KRT1: variants seen among roughly 807,000 people sequenced by gnomAD.
The protein encoded by KRT1 is keratin 1.
KRT1 carries 28 observed loss-of-function variants against 51.6 expected under a neutral mutation model. The ratio of observed to expected loss-of-function variants is 0.54; its 90% CI spans 0.40 to 0.74. The LOEUF is 0.74. KRT1 is among the 30% of genes least tolerant of loss of function. The probability of loss-of-function intolerance (pLI) is 0.00; values close to 1 mark genes in which losing one functional copy is unlikely to be tolerated. For synonymous variants in KRT1, 301 were observed against 307.7 expected, an observed-to-expected ratio of 0.98 and a Z score of 0.23; for missense variants, 783 against 815.5, an observed-to-expected ratio of 0.96 and a Z score of 0.49.
At chr12:52,676,919 G>A in intron 6 of KRT1, 140 bp downstream of exon 6, 2 of 1,155,130 alleles carry the variant, frequency 1.7e-6, no homozygotes, top group East Asian at 2.5e-5. Context: ...CTGGAAACTA[G>A]CATAGTCACA....
chr12:52,680,171 C>T lies in KRT1; in HGVS notation c.178G>A (p.Gly60Ser), dbSNP rs1941565333. Reference sequence around the variant, plus strand: ...ACAAGACTCCGACTTCCAAATCCACCACCAGCACCAAAGCTACCACCACCA... The same window carrying T: ...ACAAGACTCCGACTTCCAAATCCACTACCAGCACCAAAGCTACCACCACCA... ...GGGGGSFGAG[G>S]GFGSRSLVNL... Residue 60 changes from glycine (G) to serine (S), a missense_variant, in exon 1 of 9, where the codon GGT (glycine) becomes AGT (serine). Physicochemically the swap from Gly to Ser is moderately conservative, Grantham distance 56 (BLOSUM62 0). Coordinates refer to ENST00000252244, the MANE Select transcript of KRT1 (RefSeq NM_006121.4). The T allele has an allele frequency of 2.5e-6, 4 of 1,611,158 alleles. No homozygotes were observed. The highest frequency in any genetic ancestry group is 2.2e-5 in the South Asian group (2 of 90,768).
At chr12:52,676,615 G>A (rs1374705262) in intron 6 of KRT1, 120 bp from the exon 7 acceptor site, 2 of 944,832 alleles carry the variant, frequency 2.1e-6, no homozygotes, top group Non-Finnish European at 3.3e-6. Context: ...TTGGCCTTAA[G>A]TCATCTCACA....
chr12:52,675,249 C>T lies in KRT1; in HGVS notation c.1879G>A (p.Gly627Ser), dbSNP rs1941481407. The T allele has an allele frequency of 6.2e-7, 1 of 1,613,842 alleles. No homozygotes were observed. Among genetic ancestry groups the T allele is most frequent in the Non-Finnish European group, 8.5e-7 (1 of 1,180,028 alleles). ...GSSSGGVKSS[G>S]GSSSVKFVST... Reference sequence around the variant, plus strand: ...ACAAACTTCACGCTGGAACTGCCACCAGAGGACTTGACACCCCCAGAGCTG... The same window carrying T: ...ACAAACTTCACGCTGGAACTGCCACTAGAGGACTTGACACCCCCAGAGCTG... The change falls in exon 9 of 9, where the codon GGT (glycine) becomes AGT (serine). Residue 627 changes from glycine to serine, a missense_variant. Physicochemically the swap from Gly to Ser is moderately conservative, Grantham distance 56. Transcript: ENST00000252244.
In KRT1 at chr12:52,678,566, T is replaced by C. The variant is rs757414670; in HGVS notation, c.782A>G (p.Asp261Gly). The part of the protein sequence containing the change: ...RLDSELKNMQ[D>G]MVEDYRNKYE... ...CTTGTTCCGGTAATCCTCCACCATG[T>C]CCTGCATGTTCTTCAGTTCCGAATC... is the stretch of plus-strand genomic sequence containing the variant. Residue 261 changes from aspartate to glycine, a missense_variant, in exon 2 of 9, where the codon GAC becomes GGC. Physicochemically the swap from Asp to Gly is moderately conservative, Grantham distance 94. Coordinates refer to ENST00000252244, the MANE Select transcript of KRT1 (RefSeq NM_006121.4). The C allele has an allele frequency of 2.1e-5, 34 of 1,614,114 alleles. No individual in the cohort carries two copies. The highest frequency in any genetic ancestry group is 2.5e-5 in the Non-Finnish European group (30 of 1,180,042).
Position 52,676,344 on chromosome 12 carries a change from A to T in KRT1, c.1406T>A (p.Met469Lys). The T allele has an allele frequency of 6.2e-7, 1 of 1,614,114 alleles. No individual in the cohort carries two copies. Residue 469 changes from methionine (M) to lysine (K), a missense_variant, in exon 7 of 9, where the codon ATG becomes AAG. Coordinates refer to ENST00000252244, the MANE Select transcript of KRT1 (RefSeq NM_006121.4). ...ARLLRDYQEL[M>K]NTKLALDLEI... ...CAGATCCAGGGCCAGCTTTGTGTTC[A>T]TCAGCTCCTGGTAGTCGCGCAGCAG...
At chr12:52,676,183 C>T (rs1941499627) in intron 7 of KRT1, 92 bp downstream of exon 7, 1 of 1,062,788 alleles carries the variant, frequency 9.4e-7, no homozygotes, top group Non-Finnish European at 1.4e-6. Flanking sequence ...CCAGCACAAG[C>T]TGCAATCAGA....
rs1440379566 is a variant in KRT1 at position 52,678,678 on chromosome 12, T to G, written c.670A>C (p.Thr224Pro). 1 of 1,614,220 alleles carries G rather than the reference T, an allele frequency of 6.2e-7. No homozygotes were observed. Among genetic ancestry groups the G allele is most frequent in the Non-Finnish European group, 8.5e-7 (1 of 1,180,034 alleles). ...LLQQVDTSTR[T>P]HNLEPYFESF... ...TCAAAGTAGGGCTCTAAATTATGGG[T>G]TCTAGTGGAGGTATCTACCTGCTGC... The change falls in exon 2 of 9, where the codon ACC becomes CCC. Residue 224 changes from threonine to proline, a missense_variant. Thr to Pro is a conservative substitution (Grantham distance 38, BLOSUM62 -1). Transcript: ENST00000252244.
At position 52,677,878 on chromosome 12, in the gene KRT1, C is replaced by A; in HGVS notation, c.868-133G>T. On this transcript the variant is annotated intron_variant, in intron 3 of 8. Coordinates refer to ENST00000252244, the MANE Select transcript of KRT1 (RefSeq NM_006121.4). ...ACTCCTTTTTGCCCCAGGTAAATCACAGTTCCCTAACTGTCCCACCCCCGG... is the reference window on the plus strand; with the variant it reads ...ACTCCTTTTTGCCCCAGGTAAATCAAAGTTCCCTAACTGTCCCACCCCCGG... The A allele has an allele frequency of 3.6e-6, 3 of 825,996 alleles. No homozygotes were observed. The South Asian group carries it at 4.3e-5, about 12-fold the overall frequency. The allele number at this position is 825,996 out of a possible 1,614,324, so 51.2% of individuals were successfully genotyped here. A position where few individuals can be genotyped will look rare whatever the true frequency, so the allele number is the denominator to read the frequency against.
At chr12:52,678,504 C>T (rs886190389) in intron 2 of KRT1, 38 bp downstream of exon 2, 2 of 1,598,002 alleles carry the variant, frequency 1.3e-6, no homozygotes, top group Admixed American at 1.7e-5. Flanking sequence ...AACTCTTTTA[C>T]AGCAAAAGTT....
intron 3 of KRT1, 89 bp from the exon 4 acceptor site, chr12:52,677,834 G>A: frequency 8.7e-7 from 1 of 1,150,110 alleles, no homozygotes. Context: ...AGCAAAAAAA[G>A]GAGCTTTGGG....
In KRT1 at chr12:52,678,186, T is replaced by C; in HGVS notation, c.844A>G (p.Asn282Asp). ...DEINKRTNAE[N>D]EFVTIKKDVD... is the part of the protein sequence containing the mutation. ...ACCTTCTTGATGGTCACAAATTCAT[T>C]CTCTGCATTTGTCCGCTTGTTGATT... Residue 282 changes from asparagine to aspartate, a missense_variant, in exon 3 of 9, where the codon AAT (asparagine) becomes GAT (aspartate). Coordinates refer to ENST00000252244, the MANE Select transcript of KRT1 (RefSeq NM_006121.4). 1 of 1,614,198 alleles carries C rather than the reference T, an allele frequency of 6.2e-7. No homozygotes were observed. Among genetic ancestry groups the C allele is most frequent in the Non-Finnish European group, 8.5e-7 (1 of 1,180,030 alleles).
intron 1 of KRT1, among the ~76,000 whole-genome samples, chr12:52,679,081 A>T (rs77077058): frequency 0.019 from 2,899 of 152,298 alleles, 83 homozygotes; most frequent in African/African-American, 0.066. Context: ...ACTGGTTTGC[A>T]TCCCCAGGAC....
Position 52,675,016 on chromosome 12 carries a change from G to T in KRT1, c.*177C>A. Reference sequence around the variant, plus strand: ...AGGGGACTGAGATTGCCACTGATCTGAAAACTTCATTGGGAAACAGCAGAA... The same window carrying T: ...AGGGGACTGAGATTGCCACTGATCTTAAAACTTCATTGGGAAACAGCAGAA... On this transcript the variant is annotated 3_prime_UTR_variant, in exon 9 of 9. Transcript: ENST00000252244. The T allele has an allele frequency of 1.1e-6, 1 of 916,830 alleles. No individual in the cohort carries two copies. Among genetic ancestry groups the T allele is most frequent in the Non-Finnish European group, 1.8e-6 (1 of 565,708 alleles). The allele number at this position is 916,830 out of a possible 1,614,324, so 56.8% of individuals were successfully genotyped here. A position where few individuals can be genotyped will look rare whatever the true frequency, so the allele number is the denominator to read the frequency against.
chr12:52,680,104 C>A lies in KRT1; in HGVS notation c.245G>T (p.Arg82Ile). ...AAAGCCACTACCACGTCCACCTCCT[C>A]TAGCCACACTTATGGAGATGCTTTT... is the stretch of plus-strand genomic sequence containing the variant. ...GSKSISISVA[R>I]GGGRGSGFGG... The change falls in exon 1 of 9, where the codon AGA (arginine) becomes ATA (isoleucine). Residue 82 changes from arginine (R) to isoleucine (I), a missense_variant. Physicochemically the swap from Arg to Ile is moderately conservative, Grantham distance 97. Coordinates refer to ENST00000252244, the MANE Select transcript of KRT1 (RefSeq NM_006121.4). The A allele has an allele frequency of 1.3e-6, 2 of 1,560,610 alleles. No homozygotes were observed. Among genetic ancestry groups the A allele is most frequent in the Non-Finnish European group, 1.7e-6 (2 of 1,152,276 alleles).
Position 52,680,402 on chromosome 12 carries a change from T to C in KRT1, c.-54A>G. The C allele has an allele frequency of 6.7e-7, 1 of 1,481,524 alleles. No individual in the cohort carries two copies. Among genetic ancestry groups the C allele is most frequent in the African/African-American group, 1.4e-5 (1 of 72,560 alleles). The allele number at this position is 1,481,524 out of a possible 1,614,324, so 91.8% of individuals were successfully genotyped here. On this transcript the variant is annotated 5_prime_UTR_variant, in exon 1 of 9. Coordinates refer to ENST00000252244, the MANE Select transcript of KRT1 (RefSeq NM_006121.4). The stretch of plus-strand genomic sequence containing the variant: ...TAGAGTAAGGGAAGGAGCTAAACAC[T>C]CCTCTACCCCAAGCATAGAGACTTC...
chr12:52,676,434 T>C lies in KRT1; in HGVS notation c.1316A>G (p.Asp439Gly), dbSNP rs370833984. Residue 439 changes from aspartate (D) to glycine (G), a missense_variant, in exon 7 of 9, where the codon GAT (aspartate) becomes GGT (glycine). Transcript: ENST00000252244. ...AEQRGENALK[D>G]AKNKLNDLED... is the part of the protein sequence containing the mutation. The stretch of plus-strand genomic sequence containing the variant: ...CAGGTCATTCAGCTTGTTCTTGGCA[T>C]CCTTGAGGGCATTCTCGCCACGCTG... The C allele has an allele frequency of 1.2e-6, 2 of 1,614,074 alleles. No individual in the cohort carries two copies. The highest frequency in any genetic ancestry group is 2.7e-5 in the African/African-American group (2 of 74,922).
Position 52,677,103 on chromosome 12 carries a change from C to T in KRT1, c.1210G>A (p.Val404Met). 6.2e-7 allele frequency: 1 copy of T among 1,614,046 alleles called. No homozygotes were observed. Among genetic ancestry groups the T allele is most frequent in the Non-Finnish European group, 8.5e-7 (1 of 1,180,044 alleles). ...SKIEISELNR[V>M]IQRLRSEIDN... ...ATTTCAGATCTAAGTCTCTGGATCA[C>T]ACGATTCAGCTCAGAAATTTCTATC... The change falls in exon 6 of 9, where the codon GTG becomes ATG. Residue 404 changes from valine (V) to methionine (M), a missense_variant. Val to Met is a conservative substitution (Grantham distance 21). Coordinates refer to ENST00000252244, the MANE Select transcript of KRT1 (RefSeq NM_006121.4).
Position 52,678,595 on chromosome 12 carries a change from C to A in KRT1, c.753G>T (p.Arg251=), listed in dbSNP as rs747734601. The change falls in exon 2 of 9, where the codon CGG becomes CGT. Residue 251 remains arginine (R), a synonymous_variant. Coordinates refer to ENST00000252244, the MANE Select transcript of KRT1 (RefSeq NM_006121.4). ...GCATGTTCTTCAGTTCCGAATCCAA[C>A]CGAGATTGATCACTCTTCAGTTGGT... ...RVDQLKSDQS[R]LDSELKNMQD... 17 of 1,614,124 alleles carry A rather than the reference C, an allele frequency of 1.1e-5. No homozygotes were observed. Among genetic ancestry groups the A allele is most frequent in the Non-Finnish European group, 1.4e-5 (16 of 1,180,050 alleles).
At chr12:52,679,189 A>T (rs1458155147) in intron 1 of KRT1, among the ~76,000 whole-genome samples, 1 of 152,158 alleles carries the variant, frequency 6.6e-6, no homozygotes, top group African/African-American at 2.4e-5. Flanking sequence ...TTAAGCAAAA[A>T]ATTAAAAAAA....
Sources: gnomAD v4.1 joint callset for allele counts (sites outside exome capture counted in the v4.1 genomes callset) on GRCh38, gnomAD v4.1.1 for gene constraint, MANE v1.5 for transcripts, NCBI Gene and HGNC (gene_info 2026-07-23, HGNC 2026-07-21) for gene names.